DSCAM: variants seen among roughly 807,000 people sequenced by gnomAD.
DSCAM encodes cell adhesion molecule DSCAM.
Under a neutral mutation model 217.7 loss-of-function variants are expected in DSCAM, and 47 were observed. That is an observed-to-expected ratio of 0.22 (90% confidence interval 0.17 to 0.28). The LOEUF (loss-of-function observed/expected upper bound fraction) is 0.28, where lower values mean the gene tolerates loss of function less well. Among genes scored for constraint, DSCAM ranks in the 10% least tolerant of loss-of-function variants. The pLI is 1.00. For synonymous variants in DSCAM, 1,056 were observed against 1,015.3 expected (o/e 1.04, Z -0.76); for missense variants, 2,080 against 2,618.3 (o/e 0.79, Z 4.49).
At chr21:40,315,593 T>C (rs759313069) in intron 8 of DSCAM, among the ~76,000 whole-genome samples, 4 of 152,158 alleles carry the variant, frequency 2.6e-5, no homozygotes, top group Non-Finnish European at 4.4e-5. Flanking sequence ...ACCCTGTGTT[T>C]TCTATAATTC....
rs759723808 is a variant in DSCAM, at chr21:40,846,706, G to A, written c.-45C>T. On this transcript the variant is annotated 5_prime_UTR_variant, in exon 1 of 33. Transcript: ENST00000400454. ...CTCCCGCGAGCGACGCGCCGGCCTC[G>A]CCCCCCGCGCTCCGCCCGGCCCGGC... 5.1e-6 allele frequency: 5 copies of A among 986,980 alleles called. No homozygotes were observed. The East Asian group carries it at 2.3e-4, about 45-fold the overall frequency. 61.1% of individuals were successfully genotyped at this position (986,980 alleles called of 1,614,324 possible).
chr21:40,796,622 A>G (rs980503074), intron 1 of DSCAM, among the ~76,000 whole-genome samples: 1 of 152,208 alleles, frequency 6.6e-6, no homozygotes, highest in Non-Finnish European at 1.5e-5. Flanking sequence ...GCAAGTTGGA[A>G]TCAGTCAGCT....
intron 11 of DSCAM, among the ~76,000 whole-genome samples, chr21:40,253,931 G>A (rs1294100911): frequency 6.6e-6 from 1 of 152,206 alleles, no homozygotes; most frequent in Non-Finnish European, 1.5e-5. Flanking sequence ...CAAGGAGGGT[G>A]TGCTATCTTG....
chr21:40,648,555 T>C (rs2089977261), intron 3 of DSCAM, among the ~76,000 whole-genome samples: 1 of 152,142 alleles, frequency 6.6e-6, no homozygotes, highest in Non-Finnish European at 1.5e-5. Flanking sequence ...AGAACCTGTC[T>C]TTCCATTTTG....
chr21:40,287,440 C>G (rs1001632069), intron 10 of DSCAM, among the ~76,000 whole-genome samples: 1 of 152,102 alleles, frequency 6.6e-6, no homozygotes. Context: ...CCAGGGATGT[C>G]CCCTGGACAT....
At chr21:40,319,620 G>T (rs1344127366) in intron 8 of DSCAM, among the ~76,000 whole-genome samples, 1 of 152,084 alleles carries the variant, frequency 6.6e-6, no homozygotes, top group Non-Finnish European at 1.5e-5. Flanking sequence ...GGAATTACTG[G>T]ATTATATAAA....
At position 40,737,747 on chromosome 21, in the gene DSCAM, A is replaced by T. The variant is rs528194715; in HGVS notation, c.44-28976T>A. 2.1e-3 allele frequency among the ~76,000 whole-genome samples: 320 copies of T among 152,312 alleles called. 1 individual carries two copies. The highest frequency in any genetic ancestry group is 8.0e-3 in the Admixed American group (122 of 15,296). ...GAGGAACACAATCTCCGCAGGCAGA[A>T]AGAGCATCTCATTCTCTGCTGGCTT... On this transcript the variant is annotated intron_variant, in intron 1 of 32. Transcript: ENST00000400454.
chr21:40,252,939 C>T (rs78443242), intron 11 of DSCAM, among the ~76,000 whole-genome samples: 2,081 of 152,114 alleles, frequency 0.014, 43 homozygotes, highest in African/African-American at 0.048. Flanking sequence ...AAGTAAGGGG[C>T]GGGGGGCTGA....
intron 3 of DSCAM, among the ~76,000 whole-genome samples, chr21:40,682,347 G>C (rs59330543): frequency 6.6e-6 from 1 of 152,054 alleles, no homozygotes; most frequent in African/African-American, 2.4e-5. Context: ...ACATTTCTGA[G>C]AGGGGAAGAT....
chr21:40,151,064 C>T (rs1209970577), intron 16 of DSCAM, among the ~76,000 whole-genome samples: 2 of 152,232 alleles, frequency 1.3e-5, no homozygotes, highest in Admixed American at 6.5e-5. Context: ...ATCTCTGTCT[C>T]CCGATCTCAG....
intron 3 of DSCAM, among the ~76,000 whole-genome samples, chr21:40,617,007 A>G (rs1359378707): frequency 1.2e-3 from 123 of 99,422 alleles, no homozygotes; most frequent in Non-Finnish European, 2.1e-3. Context: ...ACAGAGCAAG[A>G]CTCCGTCTCA....
At chr21:40,379,563 T>A (rs1377866098) in intron 3 of DSCAM, among the ~76,000 whole-genome samples, 1 of 152,186 alleles carries the variant, frequency 6.6e-6, no homozygotes, top group African/African-American at 2.4e-5. Context: ...GCCATGTAGC[T>A]GATCTCTGTC....
At chr21:40,523,950 C>A (rs1474716748) in intron 3 of DSCAM, among the ~76,000 whole-genome samples, 2 of 152,068 alleles carry the variant, frequency 1.3e-5, no homozygotes, top group Non-Finnish European at 2.9e-5. Context: ...GAGCCACACC[C>A]CCATCACACA....
chr21:40,551,784 C>G (rs2146159721), intron 3 of DSCAM, among the ~76,000 whole-genome samples: 1 of 152,280 alleles, frequency 6.6e-6, no homozygotes, highest in Middle Eastern at 3.4e-3. Flanking sequence ...CTTAGGATCT[C>G]TATTTTAATG....
chr21:40,489,435 G>C (rs756614625), intron 3 of DSCAM, among the ~76,000 whole-genome samples: 4 of 152,122 alleles, frequency 2.6e-5, no homozygotes, highest in Non-Finnish European at 5.9e-5. Context: ...GGATTTATCA[G>C]CCTCCGTAAT....
At chr21:40,296,934 T>C (rs2837555) in intron 9 of DSCAM, among the ~76,000 whole-genome samples, 32,212 of 151,454 alleles carry the variant, frequency 0.21, 6,377 homozygotes, top group African/African-American at 0.53. Context: ...CTGGTCAAAG[T>C]ATTCGATGTT....
chr21:40,780,415 G>A (rs201032327), intron 1 of DSCAM, among the ~76,000 whole-genome samples: 11,969 of 37,558 alleles, frequency 0.32, 1,077 homozygotes, highest in Non-Finnish European at 0.37. Context: ...GTGTGTGTGT[G>A]TGTGTGTGTA....
chr21:40,716,087 T>C (rs966529944), intron 1 of DSCAM, among the ~76,000 whole-genome samples: 1 of 152,202 alleles, frequency 6.6e-6, no homozygotes, highest in Non-Finnish European at 1.5e-5. Flanking sequence ...ATAAGCGACC[T>C]ATGGGGGATT....
At chr21:40,834,427 AATAAT>A (rs2092039702) in intron 1 of DSCAM, among the ~76,000 whole-genome samples, 17 of 17,112 alleles carry the variant, frequency 9.9e-4, no homozygotes, top group African/African-American at 3.3e-3. Context: ...ATAATAATAA[AATAAT>A]AATAATAATA....
Sources: allele counts gnomAD v4.1 joint callset (sites outside exome capture counted in the v4.1 genomes callset), GRCh38; gene constraint gnomAD v4.1.1; transcripts MANE v1.5; gene names NCBI Gene and HGNC (gene_info 2026-07-23, HGNC 2026-07-21).